The following SLC18A1 variants were observed in gnomAD, a reference collection of about 807,000 sequenced individuals.
SLC18A1 encodes the protein chromaffin granule amine transporter.
In SLC18A1, 69 loss-of-function variants were observed where a neutral mutation model predicts 53.7. That is an observed-to-expected ratio of 1.28 (90% CI 1.06 to 1.57). The LOEUF (loss-of-function observed/expected upper bound fraction) is 1.57, where lower values mean the gene tolerates loss of function less well. SLC18A1 is among the 40% of genes most tolerant of loss of function. SLC18A1 has a pLI of 0.00. For synonymous variants in SLC18A1, 320 were observed against 248.1 expected, an observed-to-expected ratio of 1.29 and a Z score of -2.72; for missense variants, 932 against 668.1, an observed-to-expected ratio of 1.40 and a Z score of -4.35.
intron 4 of SLC18A1, among the ~76,000 whole-genome samples, chr8:20,176,610 G>T (rs2072258918): frequency 6.6e-6 from 1 of 152,074 alleles, no homozygotes; most frequent in Non-Finnish European, 1.5e-5. Context: ...CCTAGTTGGG[G>T]GGTGGAGGGT....
chr8:20,178,436 A>G lies in SLC18A1; in HGVS notation c.546T>C (p.Val182=). The change falls in exon 4 of 16, where the codon GTT becomes GTC. Residue 182 remains valine, a splice_region_variant and synonymous_variant. Coordinates refer to ENST00000276373, the MANE Select transcript of SLC18A1 (RefSeq NM_003053.4). ...GAAAAGAGGAAGCAAATTACTTACTAACTGTGGAGAGAAACATGATAACAA... is the reference window on the plus strand; with the variant it reads ...GAAAAGAGGAAGCAAATTACTTACTGACTGTGGAGAGAAACATGATAACAA... The part of the protein sequence containing the change: ...AGFVIMFLST[V]MFAFSGTYTL... The G allele has an allele frequency of 1.2e-6, 2 of 1,610,354 alleles. No homozygotes were observed. The highest frequency in any genetic ancestry group is 1.7e-6 in the Non-Finnish European group (2 of 1,178,034).
chr8:20,151,643 A>G (rs2128868963), intron 10 of SLC18A1, among the ~76,000 whole-genome samples: 1 of 152,316 alleles, frequency 6.6e-6, no homozygotes, highest in East Asian at 1.9e-4. Context: ...GAAGTCCTGA[A>G]CACATGGCTT....
intron 10 of SLC18A1, among the ~76,000 whole-genome samples, chr8:20,152,157 G>A (rs939240335): frequency 6.6e-6 from 1 of 152,170 alleles, no homozygotes; most frequent in Non-Finnish European, 1.5e-5. Context: ...TGGAAATTAA[G>A]ATGTCTTAAA....
intron 12 of SLC18A1, chr8:20,148,412 C>T (rs1451270721): frequency 3.9e-6 from 5 of 1,268,580 alleles, no homozygotes; most frequent in South Asian, 1.3e-5. Context: ...TACCCCTCTT[C>T]ACCTAAACAT....
intron 8 of SLC18A1, 22 bp from the exon 9 acceptor site, chr8:20,165,129 A>C: frequency 6.2e-7 from 1 of 1,608,310 alleles, no homozygotes; most frequent in Non-Finnish European, 8.5e-7. Flanking sequence ...GATAACAAAA[A>C]ATGTCCATTT....
At chr8:20,153,265 G>T (rs1251033943) in intron 10 of SLC18A1, among the ~76,000 whole-genome samples, 2 of 152,090 alleles carry the variant, frequency 1.3e-5, no homozygotes, top group African/African-American at 4.8e-5. Flanking sequence ...ACAAGGAGTA[G>T]GCAACAAGAT....
At chr8:20,175,286 G>A (rs138250624) in intron 4 of SLC18A1, 9 of 152,164 alleles carry the variant, frequency 5.9e-5, no homozygotes, top group African/African-American at 1.9e-4. Flanking sequence ...AAACACACAC[G>A]CTTTATGAAC....
At chr8:20,178,942 C>A (rs1442028317) in intron 3 of SLC18A1, among the ~76,000 whole-genome samples, 179 bp downstream of exon 3, 2 of 152,130 alleles carry the variant, frequency 1.3e-5, no homozygotes, top group Admixed American at 6.6e-5. Flanking sequence ...AAAATCTGAT[C>A]CCATAACATT....
chr8:20,164,868 C>T lies in SLC18A1; in HGVS notation c.1015+1G>A. The T allele has an allele frequency of 6.2e-7, 1 of 1,604,830 alleles. No individual in the cohort carries two copies. The highest frequency in any genetic ancestry group is 8.5e-7 in the Non-Finnish European group (1 of 1,173,032). ...TGAGCGGGGGTGCTGAGGTCACTTA[C>T]CCAGCTGCCACTTGGGGGAGCACAT... On this transcript the variant is annotated splice_donor_variant, in intron 10 of 15. Coordinates refer to ENST00000276373, the MANE Select transcript of SLC18A1 (RefSeq NM_003053.4). LOFTEE classifies it high-confidence loss of function.
At chr8:20,178,272 C>G (rs1447885885) in intron 4 of SLC18A1, among the ~76,000 whole-genome samples, 163 bp downstream of exon 4, 1 of 152,158 alleles carries the variant, frequency 6.6e-6, no homozygotes, top group African/African-American at 2.4e-5. Flanking sequence ...CACTACTGTT[C>G]TAGTCCACAT....
chr8:20,151,063 C>A (rs2071540170), intron 10 of SLC18A1: 2 of 285,268 alleles, frequency 7.0e-6, no homozygotes, highest in South Asian at 1.1e-4. Context: ...CCTCGACCTC[C>A]TGGGATCAAG....
Position 20,179,393 on chromosome 8 carries a change from G to T in SLC18A1, c.216C>A (p.Ala72=). The change falls in exon 3 of 16, where the codon GCC becomes GCA. Residue 72 remains alanine (A), a synonymous_variant. Transcript: ENST00000276373. ...HLGHAGSSPH[A]LASPAFSTIF... ...TGGTGGAAAAGGCAGGAGAGGCGAG[G>T]GCATGTGGGGAACTTCCGGCATGGC... The T allele has an allele frequency of 1.2e-6, 2 of 1,614,048 alleles. No individual in the cohort carries two copies. Among genetic ancestry groups the T allele is most frequent in the Non-Finnish European group, 1.7e-6 (2 of 1,179,990 alleles).
chr8:20,149,583 T>TCCCA (rs145993183), intron 12 of SLC18A1, 93 bp downstream of exon 12: 1 of 969,070 alleles, frequency 1.0e-6, no homozygotes. Context: ...TCTCTCTCTC[T>TCCCA]CTCTCCCTCT....
At position 20,150,746 on chromosome 8, in the gene SLC18A1, T is replaced by G; in HGVS notation, c.1016-2A>C. 1 of 1,613,758 alleles carries G rather than the reference T, an allele frequency of 6.2e-7. No homozygotes were observed. The highest frequency in any genetic ancestry group is 8.5e-7 in the Non-Finnish European group (1 of 1,179,646). ...CACTGGCAGGCAAGAAAGCTAGACCTGTGGAAGGACACAGATCCTTACCTT... is the reference window on the plus strand; with the variant it reads ...CACTGGCAGGCAAGAAAGCTAGACCGGTGGAAGGACACAGATCCTTACCTT... On this transcript the variant is annotated splice_acceptor_variant, in intron 10 of 15. Transcript: ENST00000276373. LOFTEE classifies it high-confidence loss of function.
chr8:20,148,355 C>T (rs2071459670), intron 12 of SLC18A1: 1 of 867,760 alleles, frequency 1.2e-6, no homozygotes, highest in African/African-American at 1.7e-5. Flanking sequence ...CCATTATGCT[C>T]TAACGAGGGT....
chr8:20,145,850 C>T lies in SLC18A1; in HGVS notation c.1491G>A (p.Met497Ile), dbSNP rs200035554. 1.2e-6 allele frequency: 2 copies of T among 1,610,976 alleles called. No individual in the cohort carries two copies. The highest frequency in any genetic ancestry group is 1.7e-6 in the Non-Finnish European group (2 of 1,178,526). Reference sequence around the variant, plus strand: ...TCTGGGTTGCATACATCCGGGTCTCCATGGGGCAGTCCTGACTCAGAATAG... The same window carrying T: ...TCTGGGTTGCATACATCCGGGTCTCTATGGGGCAGTCCTGACTCAGAATAG... ...KLAILSQDCP[M>I]ETRMYATQKP... The change falls in exon 16 of 16, where the codon ATG (methionine) becomes ATA (isoleucine). Residue 497 changes from methionine (M) to isoleucine (I), a missense_variant. Met to Ile is a conservative substitution (Grantham distance 10). Transcript: ENST00000276373.
rs748902463 is a variant in SLC18A1 at position 20,178,484 on chromosome 8, A to G, written c.498T>C (p.Tyr166=). The G allele has an allele frequency of 5.0e-6, 8 of 1,608,482 alleles. No individual in the cohort carries two copies. Among genetic ancestry groups the G allele is most frequent in the Non-Finnish European group, 6.8e-6 (8 of 1,177,068 alleles). Residue 166 remains tyrosine (Y), a synonymous_variant, in exon 4 of 16, where the codon TAT becomes TAC. Coordinates refer to ENST00000276373, the MANE Select transcript of SLC18A1 (RefSeq NM_003053.4). ...CAAAGCCAGCAAACATGGGGATATG[A>G]TATCCAATCCTAAAAGGGAATTGAA... ...FVGPLTNRIG[Y]HIPMFAGFVI...
chr8:20,158,315 T>A (rs2071731712), intron 10 of SLC18A1, among the ~76,000 whole-genome samples: 1 of 152,194 alleles, frequency 6.6e-6, no homozygotes, highest in Admixed American at 6.5e-5. Context: ...AGAACTTTGC[T>A]CTTTTCACAT....
chr8:20,179,566 G>A (rs1176640984), intron 2 of SLC18A1, 82 bp from the exon 3 acceptor site: 7 of 1,492,806 alleles, frequency 4.7e-6, no homozygotes, highest in Non-Finnish European at 6.3e-6. Flanking sequence ...AAGGACAGAT[G>A]TCAATTCTAC....
Sources: gnomAD v4.1 joint callset for allele counts (sites outside exome capture counted in the v4.1 genomes callset) on GRCh38, gnomAD v4.1.1 for gene constraint, MANE v1.5 for transcripts, NCBI Gene and HGNC (gene_info 2026-07-23, HGNC 2026-07-21) for gene names.